The following LRRTM4 variants were observed in gnomAD, a reference collection of about 807,000 sequenced individuals.
LRRTM4 encodes leucine-rich repeat transmembrane neuronal protein 4.
In LRRTM4, 25 loss-of-function variants were observed where a neutral mutation model predicts 47.6. That is an observed-to-expected ratio of 0.53 (90% CI 0.38 to 0.73). LRRTM4 has a LOEUF of 0.73. LRRTM4 is among the 30% of genes least tolerant of loss of function. The probability of loss-of-function intolerance (pLI) is 0.00; values close to 1 mark genes in which losing one functional copy is unlikely to be tolerated. For synonymous variants in LRRTM4, 311 were observed against 269.5 expected (o/e 1.15, Z -1.51); for missense variants, 638 against 713.4 (o/e 0.89, Z 1.20).
chr2:76,800,165 AC>A (rs1450148911), intron 3 of LRRTM4, among the ~76,000 whole-genome samples: 2 of 148,306 alleles, frequency 1.3e-5, no homozygotes, highest in African/African-American at 5.1e-5. Context: ...AGCCAAAAGA[AC>A]AAAGCTGGAG....
chr2:77,090,525 A>G (rs570234756), intron 3 of LRRTM4, among the ~76,000 whole-genome samples: 27 of 152,148 alleles, frequency 1.8e-4, no homozygotes, highest in African/African-American at 6.5e-4. Context: ...AATAGAAAAA[A>G]GTTACAATTC....
At chr2:77,331,564 T>C (rs981145315) in intron 3 of LRRTM4, among the ~76,000 whole-genome samples, 3 of 152,186 alleles carry the variant, frequency 2.0e-5, no homozygotes, top group Non-Finnish European at 2.9e-5. Flanking sequence ...TATGAACATA[T>C]CTAAATGAAA....
chr2:77,244,910 G>A (rs1471811932), intron 3 of LRRTM4, among the ~76,000 whole-genome samples: 2 of 152,082 alleles, frequency 1.3e-5, no homozygotes, highest in African/African-American at 4.8e-5. Context: ...AACTTTGAAA[G>A]CAGATACTTT....
At chr2:77,006,741 G>A (rs931611764) in intron 3 of LRRTM4, among the ~76,000 whole-genome samples, 1 of 152,122 alleles carries the variant, frequency 6.6e-6, no homozygotes, top group Non-Finnish European at 1.5e-5. Context: ...ATTGCGACTG[G>A]ACATTTTGGT....
At chr2:76,819,163 G>C (rs1670985127) in intron 3 of LRRTM4, among the ~76,000 whole-genome samples, 1 of 151,642 alleles carries the variant, frequency 6.6e-6, no homozygotes, top group African/African-American at 2.4e-5. Flanking sequence ...TTAGGAATAA[G>C]GTAAAGGTAA....
At chr2:77,400,614 C>A (rs1337535248) in intron 3 of LRRTM4, among the ~76,000 whole-genome samples, 1 of 151,800 alleles carries the variant, frequency 6.6e-6, no homozygotes, top group Non-Finnish European at 1.5e-5. Flanking sequence ...TATAACAGAT[C>A]ATGCCATTTC....
chr2:76,979,562 C>G (rs1330674781), intron 3 of LRRTM4, among the ~76,000 whole-genome samples: 2 of 92,370 alleles, frequency 2.2e-5, no homozygotes, highest in Non-Finnish European at 4.1e-5. Flanking sequence ...TGCTCTTCCT[C>G]TATATATATA....
At chr2:77,245,840 G>A (rs1041950230) in intron 3 of LRRTM4, among the ~76,000 whole-genome samples, 3 of 152,124 alleles carry the variant, frequency 2.0e-5, no homozygotes, top group Admixed American at 2.0e-4. Flanking sequence ...ATTTTAGATG[G>A]TTATTCTCAC....
chr2:76,904,881 T>TG (rs775354055), intron 3 of LRRTM4, among the ~76,000 whole-genome samples: 16 of 152,184 alleles, frequency 1.1e-4, no homozygotes, highest in Non-Finnish European at 2.2e-4. Flanking sequence ...GCATCATTCT[T>TG]GGGGGAGGAG....
intron 3 of LRRTM4, among the ~76,000 whole-genome samples, chr2:77,032,347 C>T (rs1287295222): frequency 6.6e-6 from 1 of 152,074 alleles, no homozygotes; most frequent in Non-Finnish European, 1.5e-5. Flanking sequence ...CAAGCTTATT[C>T]TATTTCCCTG....
At chr2:77,369,544 G>T (rs1672584711) in intron 3 of LRRTM4, among the ~76,000 whole-genome samples, 1 of 151,730 alleles carries the variant, frequency 6.6e-6, no homozygotes, top group South Asian at 2.1e-4. Context: ...GATAGCTGCT[G>T]GGGTGGTGAG....
intron 3 of LRRTM4, among the ~76,000 whole-genome samples, chr2:76,832,255 T>G (rs1237598576): frequency 6.6e-6 from 1 of 152,110 alleles, no homozygotes; most frequent in Non-Finnish European, 1.5e-5. Flanking sequence ...GTAGGCTTCT[T>G]TGTATCCTTA....
chr2:76,793,354 A>C (rs965007527), intron 3 of LRRTM4, among the ~76,000 whole-genome samples: 14 of 152,198 alleles, frequency 9.2e-5, no homozygotes, highest in Non-Finnish European at 1.8e-4. Flanking sequence ...GATGGGACAT[A>C]GATTTTCTTG....
intron 3 of LRRTM4, among the ~76,000 whole-genome samples, chr2:76,951,863 T>C (rs901619742): frequency 1.3e-5 from 2 of 151,894 alleles, no homozygotes; most frequent in African/African-American, 4.8e-5. Flanking sequence ...CTCCCATTTA[T>C]GAGTGAGAAC....
chr2:76,790,269 G>T (rs1002490883), intron 3 of LRRTM4, among the ~76,000 whole-genome samples: 1 of 152,154 alleles, frequency 6.6e-6, no homozygotes, highest in Non-Finnish European at 1.5e-5. Flanking sequence ...CAGTACGGTG[G>T]TATGGGGATA....
chr2:77,429,959 A>G (rs1274876058), intron 3 of LRRTM4, among the ~76,000 whole-genome samples: 1 of 152,066 alleles, frequency 6.6e-6, no homozygotes, highest in Non-Finnish European at 1.5e-5. Flanking sequence ...CCAGATACTC[A>G]GGAGGCTGAG....
At chr2:77,222,339 C>T (rs1205300969) in intron 3 of LRRTM4, among the ~76,000 whole-genome samples, 2 of 151,954 alleles carry the variant, frequency 1.3e-5, no homozygotes, top group East Asian at 3.9e-4. Flanking sequence ...TAGCAGAAGG[C>T]AAGAAATAAC....
At chr2:76,920,213 ATATTTTTC>A (rs1674389335) in intron 3 of LRRTM4, among the ~76,000 whole-genome samples, 1 of 152,126 alleles carries the variant, frequency 6.6e-6, no homozygotes, top group Non-Finnish European at 1.5e-5. Flanking sequence ...TAGCCATTCC[ATATTTTTC>A]TATTTTGCTT....
At chr2:77,477,901 GAAAAAGAAAGAAAGAA>G (rs1677479668) in intron 3 of LRRTM4, among the ~76,000 whole-genome samples, 1 of 71,062 alleles carries the variant, frequency 1.4e-5, no homozygotes, top group Non-Finnish European at 2.7e-5. Context: ...GAAAAAGAAA[GAAAAAGAAAGAAAGAA>G]AGAAAGAAAG....
Sources: allele counts gnomAD v4.1 joint callset (sites outside exome capture counted in the v4.1 genomes callset), GRCh38; gene constraint gnomAD v4.1.1; transcripts MANE v1.5; gene names NCBI Gene and HGNC (gene_info 2026-07-23, HGNC 2026-07-21).